Variants in SRGAP2B observed in about 807,000 individuals in gnomAD.
SRGAP2B encodes the protein SLIT-ROBO Rho GTPase activating protein 2B, also known as SLIT-ROBO Rho GTPase-activating protein 2B.
Under a neutral mutation model 22.2 loss-of-function variants are expected in SRGAP2B, and 9 were observed. The ratio of observed to expected loss-of-function variants is 0.41; its 90% confidence interval spans 0.24 to 0.71. The LOEUF (loss-of-function observed/expected upper bound fraction) is 0.71. Ranked by LOEUF, SRGAP2B falls within the 30% of genes least tolerant of loss-of-function variation. The pLI, the probability that SRGAP2B is intolerant of heterozygous loss-of-function variation, is 0.35. For synonymous variants in SRGAP2B, 36 were observed against 87.4 expected, an observed-to-expected ratio of 0.41 and a Z score of 3.28; for missense variants, 114 against 235.8, an observed-to-expected ratio of 0.48 and a Z score of 3.38.
chr1:144,986,460 T>G (rs1169486666), intron 3 of SRGAP2B, among the ~76,000 whole-genome samples: 1 of 149,904 alleles, frequency 6.7e-6, no homozygotes, highest in Non-Finnish European at 1.5e-5. Context: ...GTTCACCGAC[T>G]GAATGAAAAT....
intron 4 of SRGAP2B, among the ~76,000 whole-genome samples, chr1:144,931,664 T>C (rs1464632718): frequency 1.3e-5 from 2 of 150,504 alleles, no homozygotes; most frequent in African/African-American, 5.0e-5. Flanking sequence ...TTTGCTACAT[T>C]GGGATTGTTG....
At chr1:144,905,767 C>G in intron 6 of SRGAP2B, 92 bp downstream of exon 6, 1 of 708,740 alleles carries the variant, frequency 1.4e-6, no homozygotes, top group Admixed American at 2.0e-5. Context: ...GCTTCCTCGT[C>G]TGCTCTTCCC....
intron 3 of SRGAP2B, among the ~76,000 whole-genome samples, chr1:144,956,997 G>C (rs1201833202): frequency 1.3e-5 from 2 of 150,772 alleles, no homozygotes; most frequent in Non-Finnish European, 2.9e-5. Flanking sequence ...ACCACATTTG[G>C]AAGATGAGGA....
intron 7 of SRGAP2B, 51 bp downstream of exon 7, chr1:144,905,040 T>A (rs1662881334): frequency 2.8e-6 from 2 of 722,870 alleles, no homozygotes; most frequent in South Asian, 2.9e-5. Context: ...CTGACGAGTA[T>A]TCTGAAACCA....
At position 145,022,702 on chromosome 1, in the gene SRGAP2B, C is replaced by T. The variant is rs6600719; in HGVS notation, c.68-27502G>A. Among the ~76,000 whole-genome samples the T allele has an allele frequency of 1.0e-4, 15 of 150,624 alleles. No individual in the cohort carries two copies. The East Asian group carries it at 1.2e-3, about 12-fold the overall frequency. ...ACAATCAGTCTAACACCCACATGGA[C>T]GGGGTTGAAAGGGACTAGAATTGCA... On this transcript the variant is annotated intron_variant, in intron 2 of 9. Coordinates refer to ENST00000612199, the Ensembl canonical transcript of SRGAP2B.
chr1:144,987,906 A>G (rs1215460274), intron 3 of SRGAP2B, among the ~76,000 whole-genome samples: 4 of 151,064 alleles, frequency 2.6e-5, no homozygotes, highest in Non-Finnish European at 5.9e-5. Flanking sequence ...TCACTGTACT[A>G]CTAAGATAAG....
intron 2 of SRGAP2B, among the ~76,000 whole-genome samples, chr1:145,006,179 C>T (rs1177944619): frequency 6.6e-6 from 1 of 150,930 alleles, no homozygotes; most frequent in Non-Finnish European, 1.5e-5. Context: ...AATCAGCAGT[C>T]ATGTCAACAA....
intron 2 of SRGAP2B, among the ~76,000 whole-genome samples, chr1:145,002,925 AC>A (rs1264420664): frequency 6.8e-6 from 1 of 148,112 alleles, no homozygotes; most frequent in Admixed American, 6.7e-5. Context: ...GGTAGTCTAA[AC>A]TTCTTGAAAA....
chr1:144,997,397 C>T lies in SRGAP2B; in HGVS notation c.68-2197G>A, dbSNP rs1670774845. On this transcript the variant is annotated intron_variant, in intron 2 of 9. Coordinates refer to ENST00000612199, the Ensembl canonical transcript of SRGAP2B. ...ACTGAGCAGAGATCGCACCACTGCA[C>T]TCCAGCCTGGGCGACAGAGCAAGAC... is the stretch of plus-strand genomic sequence containing the variant. 2.0e-5 allele frequency among the ~76,000 whole-genome samples: 3 copies of T among 150,662 alleles called. No individual in the cohort carries two copies. The South Asian group carries it at 6.2e-4, about 31-fold the overall frequency.
At chr1:145,082,183 T>C (rs1652996986) in intron 2 of SRGAP2B, among the ~76,000 whole-genome samples, 1 of 148,386 alleles carries the variant, frequency 6.7e-6, no homozygotes, top group South Asian at 2.1e-4. Flanking sequence ...TCCTCACGAA[T>C]ACATATTTCA....
At chr1:145,081,257 A>G (rs1294394847) in intron 2 of SRGAP2B, among the ~76,000 whole-genome samples, 4 of 148,836 alleles carry the variant, frequency 2.7e-5, no homozygotes, top group Non-Finnish European at 5.9e-5. Flanking sequence ...TGAGAAATTC[A>G]TGAGTTCATA....
intron 3 of SRGAP2B, among the ~76,000 whole-genome samples, chr1:144,984,755 T>C (rs1411206527): frequency 6.6e-6 from 1 of 150,644 alleles, no homozygotes; most frequent in Non-Finnish European, 1.5e-5. Flanking sequence ...TTTAGCAAAC[T>C]ACCACTAGGT....
At chr1:144,924,542 C>G (rs1480901953) in intron 4 of SRGAP2B, among the ~76,000 whole-genome samples, 1 of 150,528 alleles carries the variant, frequency 6.6e-6, no homozygotes, top group Non-Finnish European at 1.5e-5. Flanking sequence ...AGATCGAGAC[C>G]AAGGTGAAAC....
intron 4 of SRGAP2B, among the ~76,000 whole-genome samples, chr1:144,932,446 T>C (rs1665268577): frequency 6.6e-6 from 1 of 151,124 alleles, no homozygotes. Flanking sequence ...CTCCTGGCAT[T>C]AGGGCTTTGC....
intron 2 of SRGAP2B, among the ~76,000 whole-genome samples, chr1:145,044,697 A>AAAAAG (rs1649569361): frequency 7.6e-6 from 1 of 131,308 alleles, no homozygotes; most frequent in Non-Finnish European, 1.6e-5. Flanking sequence ...AAAAAAAAAA[A>AAAAAG]AAACAGAAAA....
intron 4 of SRGAP2B, among the ~76,000 whole-genome samples, chr1:144,927,210 A>G (rs1204577348): frequency 6.7e-6 from 1 of 149,006 alleles, no homozygotes; most frequent in Non-Finnish European, 1.5e-5. Context: ...TCGGCCTCCC[A>G]AAGTGCTGGG....
rs587595570 is a variant in SRGAP2B, at chr1:144,966,045, G to A, written c.261-10444C>T. On this transcript the variant is annotated intron_variant, in intron 3 of 9. Transcript: ENST00000612199. ...GTACCTGAAAGTGAGGCGGAGAATG[G>A]AACCAAGTTGGAAAACACTCTGCAG... Among the ~76,000 whole-genome samples, 64 of 150,590 alleles carry A rather than the reference G, an allele frequency of 4.2e-4. 4 individuals carry two copies. Among genetic ancestry groups the A allele is most frequent in the African/African-American group, 1.6e-3 (63 of 40,182 alleles).
intron 2 of SRGAP2B, among the ~76,000 whole-genome samples, chr1:145,001,696 C>G (rs1416050009): frequency 2.7e-5 from 4 of 149,214 alleles, no homozygotes; most frequent in Non-Finnish European, 4.4e-5. Context: ...GACTGATAGT[C>G]TTTTTCTGCA....
intron 3 of SRGAP2B, among the ~76,000 whole-genome samples, chr1:144,994,567 T>TGAGA (rs56165682): frequency 1.2e-4 from 15 of 122,488 alleles, no homozygotes; most frequent in South Asian, 1.1e-3. Flanking sequence ...TGTGTGTGTG[T>TGAGA]GAGAGAGAGA....
Sources: gnomAD v4.1 joint callset for allele counts (sites outside exome capture counted in the v4.1 genomes callset) on GRCh38, gnomAD v4.1.1 for gene constraint, MANE v1.5 for transcripts, NCBI Gene and HGNC (gene_info 2026-07-23, HGNC 2026-07-21) for gene names.